SMAD3: variants seen among roughly 807,000 people sequenced by gnomAD.
SMAD3 encodes the protein MAD homolog 3.
Under a neutral mutation model 51.8 loss-of-function variants are expected in SMAD3, and 12 were observed. The observed-to-expected ratio is 0.23, with a 90% CI of 0.15 to 0.38. The LOEUF (loss-of-function observed/expected upper bound fraction) is 0.38, where lower values mean the gene tolerates loss of function less well. Among genes scored for constraint, SMAD3 ranks in the 10% least tolerant of loss-of-function variants. The pLI is 1.00. For synonymous variants in SMAD3, 238 were observed against 227.7 expected (o/e 1.05, Z -0.41); for missense variants, 294 against 565.6 (o/e 0.52, Z 4.87).
chr15:67,108,382 C>T lies in SMAD3; in HGVS notation c.206+42022C>T, dbSNP rs114706543. Among the ~76,000 whole-genome samples the T allele has an allele frequency of 3.4e-3, 524 of 152,234 alleles. 6 individuals are homozygous for T. The highest frequency in any genetic ancestry group is 0.012 in the African/African-American group (511 of 41,538). ...ACTAGAAGCCTGCTTGCCTCCCCAC[C>T]CTGTGCCAAGCCATTTCTTGCCTCC... is the stretch of plus-strand genomic sequence containing the variant. On this transcript the variant is annotated intron_variant, in intron 1 of 8. Coordinates refer to ENST00000327367, the MANE Select transcript of SMAD3 (RefSeq NM_005902.4).
chr15:67,141,720 G>A (rs17293408), intron 1 of SMAD3, among the ~76,000 whole-genome samples: 8,202 of 152,200 alleles, frequency 0.054, 326 homozygotes, highest in Non-Finnish European at 0.086. Flanking sequence ...TCTGTGAGCT[G>A]TTTTTCATTA....
chr15:67,089,158 G>A (rs1239390182), intron 1 of SMAD3, among the ~76,000 whole-genome samples: 1 of 152,148 alleles, frequency 6.6e-6, no homozygotes, highest in Admixed American at 6.5e-5. Flanking sequence ...GGGGTGTATG[G>A]CTGCTTAGTT....
At chr15:67,081,164 T>C (rs1024237199) in intron 1 of SMAD3, among the ~76,000 whole-genome samples, 1 of 152,178 alleles carries the variant, frequency 6.6e-6, no homozygotes, top group African/African-American at 2.4e-5. Flanking sequence ...TAGAACACGA[T>C]GCATTTCCCC....
intron 1 of SMAD3, among the ~76,000 whole-genome samples, chr15:67,094,734 T>A (rs1168863703): frequency 3.3e-5 from 5 of 152,252 alleles, no homozygotes; most frequent in African/African-American, 1.2e-4. Context: ...ATTTAACGTG[T>A]CTCAGAGGAG....
At chr15:67,098,376 A>AGCAAGCC (rs1555407153) in intron 1 of SMAD3, among the ~76,000 whole-genome samples, 10 of 149,898 alleles carry the variant, frequency 6.7e-5, no homozygotes, top group Non-Finnish European at 1.3e-4. Flanking sequence ...GCAAGCAAGC[A>AGCAAGCC]AGCCAGCAGG....
chr15:67,080,373 C>A (rs1222755939), intron 1 of SMAD3, among the ~76,000 whole-genome samples: 1 of 152,186 alleles, frequency 6.6e-6, no homozygotes, highest in African/African-American at 2.4e-5. Context: ...ATGTCTACTA[C>A]TGAAGGGAAA....
intron 2 of SMAD3, 24 bp from the exon 3 acceptor site, chr15:67,165,229 C>T (rs1332607463): frequency 1.9e-6 from 3 of 1,614,204 alleles, no homozygotes; most frequent in East Asian, 2.2e-5. Flanking sequence ...ACTGAGCCAC[C>T]TCTGCTCTGT....
At chr15:67,184,704 C>T (rs1212422767) in intron 6 of SMAD3, 23 bp from the exon 7 acceptor site, 1 of 1,613,618 alleles carries the variant, frequency 6.2e-7, no homozygotes, top group Admixed American at 1.7e-5. Flanking sequence ...GCACCCTGTC[C>T]AGTCTAACCT....
At chr15:67,100,921 G>A (rs1158887470) in intron 1 of SMAD3, among the ~76,000 whole-genome samples, 1 of 152,212 alleles carries the variant, frequency 6.6e-6, no homozygotes, top group South Asian at 2.1e-4. Flanking sequence ...CAGTGGAAAA[G>A]GGGGTTTTGG....
At chr15:67,138,265 C>G (rs1160885083) in intron 1 of SMAD3, 1 of 597,508 alleles carries the variant, frequency 1.7e-6, no homozygotes, top group Non-Finnish European at 3.0e-6. Context: ...TAGGAAACCC[C>G]CTGTGTGGGT....
chr15:67,146,995 C>T (rs796916377), intron 1 of SMAD3: 11 of 152,318 alleles, frequency 7.2e-5, no homozygotes, highest in African/African-American at 2.6e-4. Context: ...CTGCACCCCG[C>T]CAGGCCCTGC....
At chr15:67,121,648 G>A (rs1345118642) in intron 1 of SMAD3, among the ~76,000 whole-genome samples, 1 of 152,090 alleles carries the variant, frequency 6.6e-6, no homozygotes, top group Non-Finnish European at 1.5e-5. Context: ...CAGACCTTCA[G>A]CCATTTAGTC....
intron 1 of SMAD3, among the ~76,000 whole-genome samples, chr15:67,140,047 G>T (rs1287154925): frequency 6.6e-6 from 1 of 152,138 alleles, no homozygotes; most frequent in African/African-American, 2.4e-5. Flanking sequence ...ACTTGAATCT[G>T]GGAGGCAGAG....
intron 1 of SMAD3, among the ~76,000 whole-genome samples, chr15:67,147,328 T>C (rs1455977419): frequency 6.6e-6 from 1 of 152,242 alleles, no homozygotes; most frequent in Non-Finnish European, 1.5e-5. Context: ...GAAACCACTC[T>C]GTTCTTTCTG....
At chr15:67,122,346 C>T (rs1339253309) in intron 1 of SMAD3, among the ~76,000 whole-genome samples, 3 of 152,178 alleles carry the variant, frequency 2.0e-5, no homozygotes, top group Non-Finnish European at 4.4e-5. Flanking sequence ...TCCCCCCAGA[C>T]CCTGTCAGCT....
In SMAD3 at chr15:67,065,808, A is replaced by G. The variant is rs1959897675; in HGVS notation, c.-347A>G. On this transcript the variant is annotated 5_prime_UTR_variant, in exon 1 of 9. Coordinates refer to ENST00000327367, the MANE Select transcript of SMAD3 (RefSeq NM_005902.4). Reference sequence around the variant, plus strand: ...TTTCCTTCCCGGAGGCGGCACCCAAACAGCTACCCCGTGCGGAAACCCAAA... The same window carrying G: ...TTTCCTTCCCGGAGGCGGCACCCAAGCAGCTACCCCGTGCGGAAACCCAAA... The G allele has an allele frequency of 4.8e-6, 1 of 207,406 alleles. No individual in the cohort carries two copies. Among genetic ancestry groups the G allele is most frequent in the Admixed American group, 5.9e-5 (1 of 16,822 alleles). 12.8% of individuals were successfully genotyped at this position (207,406 alleles called of 1,614,324 possible).
chr15:67,082,297 A>C (rs1377195801), intron 1 of SMAD3, among the ~76,000 whole-genome samples: 1 of 152,178 alleles, frequency 6.6e-6, no homozygotes, highest in Non-Finnish European at 1.5e-5. Context: ...CCAGGGCCAC[A>C]CATTTTGTGA....
intron 5 of SMAD3, among the ~76,000 whole-genome samples, chr15:67,172,459 C>T (rs1214918857): frequency 2.0e-5 from 3 of 152,240 alleles, no homozygotes; most frequent in Non-Finnish European, 4.4e-5. Flanking sequence ...TGCTCCCCTT[C>T]ACCCATTCAA....
intron 1 of SMAD3, among the ~76,000 whole-genome samples, chr15:67,074,407 A>G (rs1960122962): frequency 6.6e-6 from 1 of 152,252 alleles, no homozygotes; most frequent in Admixed American, 6.5e-5. Context: ...CTCATATGTC[A>G]AAGTTTACCC....
Sources: allele counts gnomAD v4.1 joint callset (sites outside exome capture counted in the v4.1 genomes callset), GRCh38; gene constraint gnomAD v4.1.1; transcripts MANE v1.5; gene names NCBI Gene and HGNC (gene_info 2026-07-23, HGNC 2026-07-21).